BMPR1B: variants seen among roughly 807,000 people sequenced by gnomAD.
BMPR1B encodes the protein bone morphogenetic protein receptor type 1B, also known as bone morphogenetic protein receptor type-1B.
BMPR1B carries 12 observed loss-of-function variants against 59.1 expected under a neutral mutation model. The observed-to-expected ratio is 0.20, with a 90% CI of 0.13 to 0.33. The LOEUF (loss-of-function observed/expected upper bound fraction) is 0.33, where lower values mean the gene tolerates loss of function less well. BMPR1B is among the 10% of genes least tolerant of loss of function. The pLI, the probability that BMPR1B is intolerant of heterozygous loss-of-function variation, is 1.00. For missense variants in BMPR1B, 550 were observed against 610.9 expected, an observed-to-expected ratio of 0.90 and a Z score of 1.05; for synonymous variants, 237 against 207.3, an observed-to-expected ratio of 1.14 and a Z score of -1.23.
rs1734829716 is a variant in BMPR1B, at chr4:95,148,798, G to A, written c.1127G>A (p.Arg376His). The A allele has an allele frequency of 6.2e-6, 10 of 1,613,974 alleles. No homozygotes were observed. The highest frequency in any genetic ancestry group is 8.5e-6 in the Non-Finnish European group (10 of 1,179,918). ...IPPNTRVGTKRYMPPEVLDES... is the reference protein window; with the variant it reads ...IPPNTRVGTKHYMPPEVLDES... ...CCTAACACTCGAGTTGGCACCAAACGCTATATGCCTCCAGAAGTGTTGGAC... is the reference window on the plus strand; with the variant it reads ...CCTAACACTCGAGTTGGCACCAAACACTATATGCCTCCAGAAGTGTTGGAC... The change falls in exon 11 of 13, where the codon CGC becomes CAC. Residue 376 changes from arginine to histidine, a missense_variant. Arg to His is a conservative substitution (Grantham distance 29). Transcript: ENST00000515059.
intron 1 of BMPR1B, among the ~76,000 whole-genome samples, chr4:94,832,904 T>G (rs186191676): frequency 4.6e-5 from 7 of 152,240 alleles, no homozygotes; most frequent in African/African-American, 1.7e-4. Flanking sequence ...GTGAGTTGTT[T>G]CCTTATCTTT....
intron 1 of BMPR1B, among the ~76,000 whole-genome samples, chr4:94,862,741 C>T (rs1014541913): frequency 7.3e-5 from 11 of 151,498 alleles, no homozygotes; most frequent in Admixed American, 1.3e-4. Context: ...GTCAGGAGAT[C>T]GAGACCATCC....
At chr4:95,143,006 A>T (rs1365029831) in intron 10 of BMPR1B, among the ~76,000 whole-genome samples, 1 of 152,118 alleles carries the variant, frequency 6.6e-6, no homozygotes, top group African/African-American at 2.4e-5. Flanking sequence ...AATGCATGAT[A>T]GTCAAGAGCT....
chr4:94,934,764 T>C (rs12511697), intron 2 of BMPR1B, among the ~76,000 whole-genome samples: 22,051 of 152,092 alleles, frequency 0.14, 1,907 homozygotes, highest in African/African-American at 0.24. Context: ...AAAAGTGGAA[T>C]TTTATTCCAT....
At chr4:95,145,214 T>C (rs1363452390) in intron 10 of BMPR1B, among the ~76,000 whole-genome samples, 2 of 152,166 alleles carry the variant, frequency 1.3e-5, no homozygotes, top group Admixed American at 6.6e-5. Flanking sequence ...AAGTAACGAG[T>C]ATCCTATTTA....
At chr4:94,783,125 G>C (rs1722643409) in intron 1 of BMPR1B, among the ~76,000 whole-genome samples, 1 of 152,142 alleles carries the variant, frequency 6.6e-6, no homozygotes, top group Non-Finnish European at 1.5e-5. Flanking sequence ...TTGTCAAGCT[G>C]CTCACCTCTG....
chr4:95,073,493 C>G (rs1728473689), intron 3 of BMPR1B, among the ~76,000 whole-genome samples: 1 of 152,124 alleles, frequency 6.6e-6, no homozygotes, highest in Non-Finnish European at 1.5e-5. Context: ...ATCATTTCCT[C>G]CCAACATCAT....
intron 2 of BMPR1B, among the ~76,000 whole-genome samples, chr4:94,949,939 C>T (rs1465285738): frequency 6.6e-6 from 1 of 152,180 alleles, no homozygotes; most frequent in Non-Finnish European, 1.5e-5. Context: ...ACTCCACGTC[C>T]TCTCCAGCAT....
intron 1 of BMPR1B, among the ~76,000 whole-genome samples, chr4:94,828,868 A>G (rs1311014041): frequency 1.3e-5 from 2 of 152,186 alleles, no homozygotes; most frequent in African/African-American, 4.8e-5. Flanking sequence ...ACATAGTTTA[A>G]AAAATAAAGA....
chr4:94,825,978 ATTAC>A (rs922869903), intron 1 of BMPR1B, among the ~76,000 whole-genome samples: 4 of 152,148 alleles, frequency 2.6e-5, no homozygotes, highest in Admixed American at 2.6e-4. Flanking sequence ...CATTACAGAT[ATTAC>A]TTTTTCCCCA....
intron 3 of BMPR1B, among the ~76,000 whole-genome samples, chr4:95,015,672 A>C (rs1723533714): frequency 6.6e-6 from 1 of 151,332 alleles, no homozygotes; most frequent in East Asian, 1.9e-4. Context: ...ACAGGCGTGA[A>C]TCACCATGCC....
intron 6 of BMPR1B, among the ~76,000 whole-genome samples, chr4:95,118,091 G>A (rs1427433043): frequency 6.6e-6 from 1 of 152,148 alleles, no homozygotes; most frequent in African/African-American, 2.4e-5. Flanking sequence ...ACTGCTTTGA[G>A]CTCTGAGGAT....
chr4:94,911,400 C>T (rs972409), intron 2 of BMPR1B, among the ~76,000 whole-genome samples: 62,555 of 151,908 alleles, frequency 0.41, 14,903 homozygotes, highest in African/African-American at 0.65. Context: ...TGTTGGCTGA[C>T]AGGAACAGAG....
At chr4:94,912,457 G>T (rs971255792) in intron 2 of BMPR1B, among the ~76,000 whole-genome samples, 4 of 152,000 alleles carry the variant, frequency 2.6e-5, no homozygotes, top group Non-Finnish European at 4.4e-5. Flanking sequence ...AGTTGCCTTG[G>T]GTGTTCCCAG....
At chr4:95,046,499 G>A (rs1016713913) in intron 3 of BMPR1B, among the ~76,000 whole-genome samples, 1 of 152,062 alleles carries the variant, frequency 6.6e-6, no homozygotes, top group Non-Finnish European at 1.5e-5. Flanking sequence ...TAACAGTTAG[G>A]TAATGAGCAA....
intron 1 of BMPR1B, among the ~76,000 whole-genome samples, chr4:94,779,150 A>AT (rs911805420): frequency 6.6e-6 from 1 of 151,930 alleles, no homozygotes; most frequent in Non-Finnish European, 1.5e-5. Context: ...ATGTAATTGA[A>AT]TTTTTTTCTT....
rs1266561440 is a variant in BMPR1B at position 95,125,305 on chromosome 4, T to C, written c.585+184T>C. 5.3e-5 allele frequency among the ~76,000 whole-genome samples: 8 copies of C among 152,302 alleles called. 1 individual carries two copies. The highest frequency in any genetic ancestry group is 1.7e-4 in the African/African-American group (7 of 41,580). On this transcript the variant is annotated intron_variant, in intron 8 of 12. Transcript: ENST00000515059. ...TTTTGACATATTGAGAGTAAGGTGA[T>C]TGTTTTTTAATGTAGGTGTATGGTT...
At chr4:94,915,778 A>G (rs544338469) in intron 2 of BMPR1B, among the ~76,000 whole-genome samples, 7 of 152,294 alleles carry the variant, frequency 4.6e-5, no homozygotes, top group African/African-American at 1.4e-4. Context: ...GCTTTAATAT[A>G]GTTTGGATAT....
intron 2 of BMPR1B, among the ~76,000 whole-genome samples, chr4:94,879,607 A>G (rs1356752423): frequency 5.3e-5 from 8 of 152,214 alleles, no homozygotes; most frequent in African/African-American, 1.9e-4. Context: ...TGTCTCAGAA[A>G]TAAATAAAAA....
Sources: gnomAD v4.1 joint callset for allele counts (sites outside exome capture counted in the v4.1 genomes callset) on GRCh38, gnomAD v4.1.1 for gene constraint, MANE v1.5 for transcripts, NCBI Gene and HGNC (gene_info 2026-07-23, HGNC 2026-07-21) for gene names.